CNTNAP2: variants seen among roughly 807,000 people sequenced by gnomAD.
CNTNAP2 encodes the protein contactin-associated protein-like 2.
Under a neutral mutation model 155.2 loss-of-function variants are expected in CNTNAP2, and 98 were observed. That is an observed-to-expected ratio of 0.63 (90% CI 0.54 to 0.75). The LOEUF (loss-of-function observed/expected upper bound fraction) is 0.75. Among genes scored for constraint, CNTNAP2 ranks in the 30% least tolerant of loss-of-function variants. The probability of loss-of-function intolerance (pLI) is 0.00; values close to 1 mark genes in which losing one functional copy is unlikely to be tolerated. For synonymous variants in CNTNAP2, 651 were observed against 631.2 expected, an observed-to-expected ratio of 1.03 and a Z score of -0.47; for missense variants, 1,727 against 1,688.1, an observed-to-expected ratio of 1.02 and a Z score of -0.40.
intron 19 of CNTNAP2, among the ~76,000 whole-genome samples, chr7:148,225,430 G>T (rs186348269): frequency 6.6e-6 from 1 of 152,282 alleles, no homozygotes; most frequent in African/African-American, 2.4e-5. Flanking sequence ...GACTGCAAAG[G>T]CCCTTGGGTA....
chr7:148,137,469 G>A (rs1004558428), intron 16 of CNTNAP2, among the ~76,000 whole-genome samples: 2 of 152,304 alleles, frequency 1.3e-5, no homozygotes, highest in African/African-American at 4.8e-5. Flanking sequence ...AGACCAGCCT[G>A]GCCAACATGG....
chr7:146,496,662 TC>T (rs1797219469), intron 1 of CNTNAP2, among the ~76,000 whole-genome samples: 1 of 152,146 alleles, frequency 6.6e-6, no homozygotes, highest in Non-Finnish European at 1.5e-5. Flanking sequence ...CTAAAAGCCT[TC>T]TTTTTTTTCC....
chr7:147,543,647 C>A (rs1799678433), intron 11 of CNTNAP2, among the ~76,000 whole-genome samples: 1 of 152,012 alleles, frequency 6.6e-6, no homozygotes, highest in Non-Finnish European at 1.5e-5. Context: ...GCACTTCTAC[C>A]CCCTCAAATA....
At chr7:147,552,455 T>C (rs531340850) in intron 11 of CNTNAP2, among the ~76,000 whole-genome samples, 3 of 152,282 alleles carry the variant, frequency 2.0e-5, no homozygotes, top group Admixed American at 2.0e-4. Flanking sequence ...TGACTAAAGT[T>C]TGCATTTAGA....
At chr7:146,729,036 A>G (rs2129179022) in intron 1 of CNTNAP2, among the ~76,000 whole-genome samples, 1 of 152,326 alleles carries the variant, frequency 6.6e-6, no homozygotes, top group African/African-American at 2.4e-5. Flanking sequence ...ATGAAAAACC[A>G]TTTCCATTAT....
intron 1 of CNTNAP2, among the ~76,000 whole-genome samples, chr7:146,133,155 G>C (rs906855868): frequency 4.6e-5 from 7 of 151,778 alleles, no homozygotes; most frequent in Non-Finnish European, 1.0e-4. Flanking sequence ...GCATTTCTCT[G>C]ATGGCCAGTG....
chr7:148,016,325 T>C (rs2116912259), intron 15 of CNTNAP2, among the ~76,000 whole-genome samples: 1 of 152,310 alleles, frequency 6.6e-6, no homozygotes, highest in South Asian at 2.1e-4. Context: ...GCCTGACTTG[T>C]GTTGGGTTAA....
chr7:146,816,957 A>G (rs1803183040), intron 2 of CNTNAP2, among the ~76,000 whole-genome samples: 2 of 152,208 alleles, frequency 1.3e-5, no homozygotes, highest in South Asian at 4.1e-4. Context: ...CTGTTACTTT[A>G]AAATCATTTA....
At chr7:147,725,020 C>T (rs529860988) in intron 13 of CNTNAP2, among the ~76,000 whole-genome samples, 2 of 152,102 alleles carry the variant, frequency 1.3e-5, no homozygotes, top group South Asian at 4.1e-4. Flanking sequence ...TTCCCCTTCT[C>T]AGATCAGCAG....
At chr7:148,204,157 T>C (rs1450958486) in intron 18 of CNTNAP2, among the ~76,000 whole-genome samples, 1 of 152,180 alleles carries the variant, frequency 6.6e-6, no homozygotes, top group East Asian at 1.9e-4. Context: ...ATTTGATGAG[T>C]GAGACTCAGC....
intron 12 of CNTNAP2, among the ~76,000 whole-genome samples, chr7:147,604,742 C>T (rs1801029302): frequency 6.6e-6 from 1 of 152,230 alleles, no homozygotes; most frequent in South Asian, 2.1e-4. Context: ...GAAATTTAGA[C>T]AAGGGGGTCA....
At chr7:148,320,226 AG>A (rs1315722735) in intron 21 of CNTNAP2, among the ~76,000 whole-genome samples, 1 of 152,142 alleles carries the variant, frequency 6.6e-6, no homozygotes, top group Non-Finnish European at 1.5e-5. Flanking sequence ...AGGAGGCTAT[AG>A]TCAGATCTTG....
intron 1 of CNTNAP2, among the ~76,000 whole-genome samples, chr7:146,674,042 T>C (rs1563183016): frequency 6.6e-6 from 1 of 152,202 alleles, no homozygotes; most frequent in Non-Finnish European, 1.5e-5. Context: ...CATTCCCTGA[T>C]ATTTAGCATG....
intron 9 of CNTNAP2, among the ~76,000 whole-genome samples, chr7:147,379,548 G>T (rs894469677): frequency 6.6e-6 from 1 of 151,936 alleles, no homozygotes; most frequent in Non-Finnish European, 1.5e-5. Flanking sequence ...TCTTGATTTG[G>T]GGGTTATATC....
chr7:147,084,804 T>G (rs1800237374), intron 4 of CNTNAP2, among the ~76,000 whole-genome samples: 1 of 147,644 alleles, frequency 6.8e-6, no homozygotes, highest in East Asian at 2.0e-4. Context: ...ACATATAATT[T>G]TATGTATTTT....
At chr7:147,225,540 A>G (rs1803501557) in intron 8 of CNTNAP2, among the ~76,000 whole-genome samples, 1 of 152,102 alleles carries the variant, frequency 6.6e-6, no homozygotes, top group Admixed American at 6.6e-5. Context: ...TCCATTTTCT[A>G]TGCTACATTT....
Position 147,958,835 on chromosome 7 carries a change from C to T in CNTNAP2, c.2256-19027C>T, listed in dbSNP as rs1801068328. Among the ~76,000 whole-genome samples the T allele has an allele frequency of 3.3e-5, 5 of 152,160 alleles. No homozygotes were observed. The South Asian group carries it at 1.0e-3, about 32-fold the overall frequency. On this transcript the variant is annotated intron_variant, in intron 14 of 23. Coordinates refer to ENST00000361727, the MANE Select transcript of CNTNAP2 (RefSeq NM_014141.6). ...ACTCCCAACTCATCAGTTTGCCTCC[C>T]ATTCCCTAAAGCCTTGTGCATATGA... is the stretch of plus-strand genomic sequence containing the variant.
At chr7:146,934,558 C>G (rs1796869746) in intron 3 of CNTNAP2, among the ~76,000 whole-genome samples, 1 of 151,936 alleles carries the variant, frequency 6.6e-6, no homozygotes, top group African/African-American at 2.4e-5. Context: ...TGTAACTAAC[C>G]TGCACATTGT....
intron 13 of CNTNAP2, among the ~76,000 whole-genome samples, chr7:147,851,002 A>G (rs1206865833): frequency 6.6e-6 from 1 of 152,234 alleles, no homozygotes; most frequent in Admixed American, 6.5e-5. Context: ...AGAATGGGAA[A>G]AAATTTTTGC....
Sources: allele counts gnomAD v4.1 joint callset (sites outside exome capture counted in the v4.1 genomes callset), GRCh38; gene constraint gnomAD v4.1.1; transcripts MANE v1.5; gene names NCBI Gene and HGNC (gene_info 2026-07-23, HGNC 2026-07-21).